The following CDK5RAP2 variants were observed in gnomAD, a reference collection of about 807,000 sequenced individuals.
CDK5RAP2 encodes CDK5 regulatory subunit-associated protein 2.
Under a neutral mutation model 232.9 loss-of-function variants are expected in CDK5RAP2, and 147 were observed. The observed-to-expected ratio is 0.63, with a 90% CI of 0.55 to 0.72. The LOEUF is 0.72. CDK5RAP2 is among the 30% of genes least tolerant of loss of function. The pLI, the probability that CDK5RAP2 is intolerant of heterozygous loss-of-function variation, is 0.00. For missense variants in CDK5RAP2, 2,195 were observed against 2,231.5 expected (o/e 0.98, Z 0.33); for synonymous variants, 833 against 833.7 (o/e 1.00, Z 0.01).
chr9:120,452,238 GTCTCTCTCTCTC>G (rs373806149), intron 21 of CDK5RAP2, among the ~76,000 whole-genome samples: 3 of 142,858 alleles, frequency 2.1e-5, no homozygotes, highest in Non-Finnish European at 3.1e-5. Context: ...TATAATGGCA[GTCTCTCTCTCTC>G]TCTCTCTCTC....
At chr9:120,492,382 T>C (rs1343323651) in intron 12 of CDK5RAP2, among the ~76,000 whole-genome samples, 1 of 152,198 alleles carries the variant, frequency 6.6e-6, no homozygotes, top group African/African-American at 2.4e-5. Flanking sequence ...ATGGATAGCA[T>C]ACTGCCATTT....
At chr9:120,473,343 T>C (rs2037824310) in intron 15 of CDK5RAP2, among the ~76,000 whole-genome samples, 2 of 152,176 alleles carry the variant, frequency 1.3e-5, no homozygotes, top group South Asian at 4.1e-4. Flanking sequence ...CTGCAAAAAA[T>C]GAATGAATTT....
At chr9:120,440,715 G>A (rs1358712921) in intron 23 of CDK5RAP2, among the ~76,000 whole-genome samples, 5 of 152,218 alleles carry the variant, frequency 3.3e-5, no homozygotes, top group African/African-American at 1.2e-4. Context: ...TCACAGCAGA[G>A]ATGTGGCCTT....
At chr9:120,559,488 C>CAA (rs558274119) in intron 3 of CDK5RAP2, among the ~76,000 whole-genome samples, 7 of 48,816 alleles carry the variant, frequency 1.4e-4, no homozygotes, top group South Asian at 7.7e-4. Flanking sequence ...GACTCTGTCT[C>CAA]AAAAAAAAAA....
intron 16 of CDK5RAP2, among the ~76,000 whole-genome samples, chr9:120,471,272 A>G (rs532837381): frequency 6.6e-6 from 1 of 152,346 alleles, no homozygotes; most frequent in African/African-American, 2.4e-5. Context: ...TACAGAAAAC[A>G]TAAGTCCCAC....
At chr9:120,449,044 ATC>A (rs2036350739) in intron 21 of CDK5RAP2, among the ~76,000 whole-genome samples, 1 of 152,160 alleles carries the variant, frequency 6.6e-6, no homozygotes, top group Admixed American at 6.5e-5. Flanking sequence ...TTCCAGTTCT[ATC>A]AAGACAAAGG....
At chr9:120,396,520 A>G (rs2032477762) in intron 35 of CDK5RAP2, among the ~76,000 whole-genome samples, 1 of 152,194 alleles carries the variant, frequency 6.6e-6, no homozygotes, top group South Asian at 2.1e-4. Flanking sequence ...CTCTTCCAGG[A>G]AGTTGACCTG....
At chr9:120,489,566 G>A (rs1324360968) in intron 13 of CDK5RAP2, among the ~76,000 whole-genome samples, 1 of 152,080 alleles carries the variant, frequency 6.6e-6, no homozygotes, top group Non-Finnish European at 1.5e-5. Flanking sequence ...TTTTCTGAAA[G>A]ACTTACTCAA....
chr9:120,422,716 G>T lies in CDK5RAP2; in HGVS notation c.3981C>A (p.Asn1327Lys), dbSNP rs532159979. 1 of 1,613,178 alleles carries T rather than the reference G, an allele frequency of 6.2e-7. No homozygotes were observed. The highest frequency in any genetic ancestry group is 8.5e-7 in the Non-Finnish European group (1 of 1,179,160). ...LNGKSVGVEMNTQNELMERIE... is the reference protein window; with the variant it reads ...LNGKSVGVEMKTQNELMERIE... ...ACCTCTCCATCAGTTCATTCTGGGT[G>T]TTCATTTCCACTCCAACTGATTTTC... The change falls in exon 26 of 38, where the codon AAC (asparagine) becomes AAA (lysine). Residue 1327 changes from asparagine to lysine, a missense_variant. Asn to Lys is a moderately conservative substitution (Grantham distance 94, BLOSUM62 0). Coordinates refer to ENST00000349780, the MANE Select transcript of CDK5RAP2 (RefSeq NM_018249.6).
Position 120,413,225 on chromosome 9 carries a change from T to G in CDK5RAP2, c.4298-1751A>C, listed in dbSNP as rs1238467583. ...GCCAAAGAACAGTTCCTGACCGACC[T>G]AAACCTGAGCTAGTGAGATCCACTT... On this transcript the variant is annotated intron_variant, in intron 28 of 37. Coordinates refer to ENST00000349780, the MANE Select transcript of CDK5RAP2 (RefSeq NM_018249.6). Among the ~76,000 whole-genome samples, 2 of 152,218 alleles carry G rather than the reference T, an allele frequency of 1.3e-5. 1 individual carries two copies. The highest frequency in any genetic ancestry group is 2.9e-5 in the Non-Finnish European group (2 of 68,032).
chr9:120,424,100 A>T (rs966772200), intron 25 of CDK5RAP2, among the ~76,000 whole-genome samples: 1 of 152,124 alleles, frequency 6.6e-6, no homozygotes, highest in Non-Finnish European at 1.5e-5. Context: ...CCTCACAATG[A>T]TCCTATGAGC....
At chr9:120,407,856 C>T (rs529469978) in intron 31 of CDK5RAP2, 3 of 249,146 alleles carry the variant, frequency 1.2e-5, no homozygotes, top group Admixed American at 5.0e-5. Context: ...ATGCCCAGCA[C>T]GTGAGAGGTG....
At chr9:120,437,097 T>A (rs536127439) in intron 25 of CDK5RAP2, among the ~76,000 whole-genome samples, 198 bp downstream of exon 25, 1 of 152,238 alleles carries the variant, frequency 6.6e-6, no homozygotes, top group East Asian at 1.9e-4. Flanking sequence ...GACTCCTGGT[T>A]TGTAACAGTG....
intron 9 of CDK5RAP2, among the ~76,000 whole-genome samples, chr9:120,528,373 A>G (rs142690311): frequency 1.3e-5 from 2 of 152,298 alleles, no homozygotes; most frequent in East Asian, 3.9e-4. Flanking sequence ...ATCAAACAGG[A>G]TAATGGATGT....
chr9:120,402,521 G>A (rs1478712901), intron 34 of CDK5RAP2, among the ~76,000 whole-genome samples: 2 of 152,182 alleles, frequency 1.3e-5, no homozygotes, highest in Non-Finnish European at 2.9e-5. Context: ...GGGTGCAGAT[G>A]GAGAGAAGAA....
chr9:120,565,604 T>C (rs1248379293), intron 3 of CDK5RAP2, among the ~76,000 whole-genome samples: 2 of 152,156 alleles, frequency 1.3e-5, no homozygotes, highest in Non-Finnish European at 2.9e-5. Context: ...TTCCAGCCAG[T>C]AAGTTCAGGG....
chr9:120,538,819 C>A (rs917432894), intron 6 of CDK5RAP2, among the ~76,000 whole-genome samples: 2 of 152,134 alleles, frequency 1.3e-5, no homozygotes, highest in Admixed American at 6.5e-5. Flanking sequence ...TCTCAGGGAT[C>A]TTACACAGAA....
At chr9:120,481,265 C>A (rs1212465900) in intron 14 of CDK5RAP2, among the ~76,000 whole-genome samples, 2 of 152,242 alleles carry the variant, frequency 1.3e-5, no homozygotes, top group Non-Finnish European at 2.9e-5. Flanking sequence ...CCCATCACTG[C>A]CCCATAATAG....
intron 3 of CDK5RAP2, among the ~76,000 whole-genome samples, chr9:120,556,676 G>A (rs887806782): frequency 6.6e-6 from 1 of 151,994 alleles, no homozygotes; most frequent in African/African-American, 2.4e-5. Flanking sequence ...CGATCCACTC[G>A]CCTCAGCCTC....
Sources: allele counts gnomAD v4.1 joint callset (sites outside exome capture counted in the v4.1 genomes callset), GRCh38; gene constraint gnomAD v4.1.1; transcripts MANE v1.5; gene names NCBI Gene and HGNC (gene_info 2026-07-23, HGNC 2026-07-21).